Variants in PRORP observed in about 807,000 individuals in gnomAD.
PRORP encodes mitochondrial ribonuclease P catalytic subunit.
Under a neutral mutation model 59.4 loss-of-function variants are expected in PRORP, and 51 were observed. The observed-to-expected ratio is 0.86, with a 90% CI of 0.69 to 1.08. The LOEUF (loss-of-function observed/expected upper bound fraction) is 1.08. Among genes scored for constraint, PRORP ranks in the 50% least tolerant of loss-of-function variants. The pLI, the probability that PRORP is intolerant of heterozygous loss-of-function variation, is 0.00. For missense variants in PRORP, 646 were observed against 690.3 expected (o/e 0.94, Z 0.72); for synonymous variants, 231 against 245.6 (o/e 0.94, Z 0.55).
chr14:35,182,338 T>G lies in PRORP; in HGVS notation c.1275+1561T>G, dbSNP rs867212621. Among the ~76,000 whole-genome samples, 3 of 151,358 alleles carry G rather than the reference T, an allele frequency of 2.0e-5. 1 individual carries two copies. The Middle Eastern group carries it at 0.011, about 541-fold the overall frequency. On this transcript the variant is annotated intron_variant, in intron 5 of 7. Coordinates refer to ENST00000534898, the MANE Select transcript of PRORP (RefSeq NM_014672.4). ...AATTTCCTCACTGTATCAGGACTCA[T>G]AAGCCTATAAGAAAAAGATGAACCG...
At position 35,246,607 on chromosome 14, in the gene PRORP, T is replaced by TTTATC. The variant is rs2050491879; in HGVS notation, c.1276-20119_1276-20118insTATCT. 2.0e-5 allele frequency among the ~76,000 whole-genome samples: 3 copies of TTTATC among 152,342 alleles called. No individual in the cohort carries two copies. In the East Asian group the frequency reaches 5.8e-4, roughly 29 times the overall value. ...CTGCTTTCCAGCTTCCAAAATCTTGTTGCTATTGTCTCTAAAGTCATTGTG... is the reference window on the plus strand; with the variant it reads ...CTGCTTTCCAGCTTCCAAAATCTTGTTTATCTGCTATTGTCTCTAAAGTCATTGTG... On this transcript the variant is annotated intron_variant, in intron 5 of 7. Transcript: ENST00000534898.
intron 5 of PRORP, among the ~76,000 whole-genome samples, chr14:35,189,328 C>T (rs1349706610): frequency 6.6e-6 from 1 of 152,104 alleles, no homozygotes. Flanking sequence ...CTGCTTCAGC[C>T]TCCCAAAGTG....
intron 5 of PRORP, among the ~76,000 whole-genome samples, chr14:35,227,558 A>T (rs1302048119): frequency 6.6e-6 from 1 of 152,026 alleles, no homozygotes; most frequent in Admixed American, 6.6e-5. Flanking sequence ...GCACCTATAA[A>T]TCTGAACCAG....
At chr14:35,198,569 C>T (rs2049062997) in intron 5 of PRORP, among the ~76,000 whole-genome samples, 1 of 152,228 alleles carries the variant, frequency 6.6e-6, no homozygotes, top group Admixed American at 6.5e-5. Flanking sequence ...TAATCCACAG[C>T]AGGGCTAGAC....
chr14:35,253,443 A>G (rs2050670691), intron 5 of PRORP, among the ~76,000 whole-genome samples: 1 of 152,190 alleles, frequency 6.6e-6, no homozygotes, highest in South Asian at 2.1e-4. Flanking sequence ...AAACACACAC[A>G]CACACACTTT....
intron 5 of PRORP, among the ~76,000 whole-genome samples, chr14:35,260,823 T>G (rs1301400062): frequency 6.6e-6 from 1 of 152,164 alleles, no homozygotes; most frequent in Non-Finnish European, 1.5e-5. Flanking sequence ...TTAGCCCAGT[T>G]TTTTAGATGT....
At position 35,124,194 on chromosome 14, in the gene PRORP, G is replaced by A. The variant is rs1212620340; in HGVS notation, c.949G>A (p.Glu317Lys). 3 of 1,586,812 alleles carry A rather than the reference G, an allele frequency of 1.9e-6. No homozygotes were observed. The highest frequency in any genetic ancestry group is 8.6e-7 in the Non-Finnish European group (1 of 1,169,196). ...YLRNNQLYPG[E>K]SFAHSIKTWF... ...AAGAAATAATCAGCTGTATCCAGGG[G>A]AGTCATTTGCACACAGTATAAAAAC... Residue 317 changes from glutamate (E) to lysine (K), a missense_variant, in exon 2 of 8, where the codon GAG becomes AAG. Transcript: ENST00000534898.
chr14:35,127,744 G>A (rs2047133885), intron 4 of PRORP, 133 bp downstream of exon 4: 4 of 810,918 alleles, frequency 4.9e-6, no homozygotes, highest in Non-Finnish European at 7.9e-6. Flanking sequence ...TTTCAACTCT[G>A]CTGTTGTAGT....
chr14:35,218,272 C>T (rs1024677729), intron 5 of PRORP, among the ~76,000 whole-genome samples: 1 of 151,556 alleles, frequency 6.6e-6, no homozygotes, highest in Admixed American at 6.6e-5. Context: ...CCAGCCTGGG[C>T]AACATAGTAA....
At chr14:35,185,082 C>G (rs2048711113) in intron 5 of PRORP, among the ~76,000 whole-genome samples, 1 of 152,128 alleles carries the variant, frequency 6.6e-6, no homozygotes, top group South Asian at 2.1e-4. Flanking sequence ...GCTTTTAGCA[C>G]TTTGAGAAAT....
intron 4 of PRORP, among the ~76,000 whole-genome samples, chr14:35,160,663 T>G (rs961405893): frequency 2.6e-5 from 4 of 152,234 alleles, no homozygotes; most frequent in Non-Finnish European, 4.4e-5. Context: ...AAACAGCTCA[T>G]TCAACTCAAT....
At chr14:35,169,336 G>A (rs1309389377) in intron 4 of PRORP, among the ~76,000 whole-genome samples, 1 of 152,084 alleles carries the variant, frequency 6.6e-6, no homozygotes, top group Non-Finnish European at 1.5e-5. Flanking sequence ...GTGTGTGTAT[G>A]TGTGTATCAG....
intron 5 of PRORP, among the ~76,000 whole-genome samples, chr14:35,223,436 G>C (rs1380948508): frequency 3.3e-5 from 5 of 149,470 alleles, no homozygotes; most frequent in African/African-American, 1.2e-4. Flanking sequence ...AACCTTCTAA[G>C]TGTACTTTTT....
intron 5 of PRORP, among the ~76,000 whole-genome samples, chr14:35,195,345 G>A (rs2048982132): frequency 6.6e-6 from 1 of 151,984 alleles, no homozygotes; most frequent in Non-Finnish European, 1.5e-5. Context: ...ACTGAGTACT[G>A]GAGGTGAGTT....
chr14:35,194,932 C>A (rs1030408583), intron 5 of PRORP, among the ~76,000 whole-genome samples: 1 of 152,070 alleles, frequency 6.6e-6, no homozygotes, highest in African/African-American at 2.4e-5. Context: ...TAACTATCTG[C>A]ATAATTAAGA....
intron 4 of PRORP, among the ~76,000 whole-genome samples, chr14:35,153,452 G>A (rs2047834259): frequency 6.6e-6 from 1 of 152,168 alleles, no homozygotes; most frequent in Non-Finnish European, 1.5e-5. Context: ...AAGGAAGGCA[G>A]CCTCCCCTTT....
intron 5 of PRORP, among the ~76,000 whole-genome samples, chr14:35,226,495 G>T (rs1327424062): frequency 1.3e-5 from 2 of 152,138 alleles, no homozygotes; most frequent in East Asian, 3.8e-4. Context: ...ATCAGATTTG[G>T]AGAGTGGAAA....
At chr14:35,236,026 G>A (rs1247592315) in intron 5 of PRORP, among the ~76,000 whole-genome samples, 2 of 151,020 alleles carry the variant, frequency 1.3e-5, no homozygotes, top group Non-Finnish European at 2.9e-5. Context: ...AGCCCAGGAG[G>A]CGGAGGTTGC....
At chr14:35,126,368 A>T (rs959384848) in intron 2 of PRORP, among the ~76,000 whole-genome samples, 1 of 152,238 alleles carries the variant, frequency 6.6e-6, no homozygotes, top group Non-Finnish European at 1.5e-5. Flanking sequence ...CACACAGTGA[A>T]ATAACAGTGG....
Sources: allele counts gnomAD v4.1 joint callset (sites outside exome capture counted in the v4.1 genomes callset), GRCh38; gene constraint gnomAD v4.1.1; transcripts MANE v1.5; gene names NCBI Gene and HGNC (gene_info 2026-07-23, HGNC 2026-07-21).